The following THSD7B variants were observed in gnomAD, a reference collection of about 807,000 sequenced individuals.
The protein encoded by THSD7B is thrombospondin type-1 domain-containing protein 7B.
Under a neutral mutation model 213.6 loss-of-function variants are expected in THSD7B, and 138 were observed. The ratio of observed to expected loss-of-function variants is 0.65; its 90% CI spans 0.56 to 0.74. The LOEUF is 0.74. THSD7B is among the 30% of genes least tolerant of loss of function. The pLI, the probability that THSD7B is intolerant of heterozygous loss-of-function variation, is 0.00. For synonymous variants in THSD7B, 742 were observed against 687.0 expected (o/e 1.08, Z -1.25); for missense variants, 1,931 against 1,991.5 (o/e 0.97, Z 0.58).
At chr2:137,605,511 T>C (rs1045768832) in intron 17 of THSD7B, among the ~76,000 whole-genome samples, 3 of 151,962 alleles carry the variant, frequency 2.0e-5, no homozygotes, top group South Asian at 2.1e-4. Context: ...ATCAGTGGTA[T>C]GATGAAGAGA....
chr2:137,161,172 T>C (rs1001962139), intron 6 of THSD7B, among the ~76,000 whole-genome samples: 3 of 152,206 alleles, frequency 2.0e-5, no homozygotes, highest in African/African-American at 7.2e-5. Context: ...CTCTATGGTC[T>C]AGTTTTCTTT....
intron 12 of THSD7B, among the ~76,000 whole-genome samples, chr2:137,297,159 T>C (rs904028320): frequency 1.3e-5 from 2 of 148,528 alleles, no homozygotes; most frequent in Admixed American, 6.8e-5. Context: ...GGCTTGCACC[T>C]GTAGTGCCAT....
Position 137,077,053 on chromosome 2 carries a change from C to T in THSD7B, c.951-17820C>T, listed in dbSNP as rs529738030. On this transcript the variant is annotated intron_variant, in intron 3 of 27. Transcript: ENST00000409968. ...ATGTGTTGTCATTGTTCAACTCCCA[C>T]CTATGAGTGAGAACATGCAGTGTTT... is the stretch of plus-strand genomic sequence containing the variant. Among the ~76,000 whole-genome samples the T allele has an allele frequency of 2.7e-5, 4 of 146,722 alleles. No homozygotes were observed. In the South Asian group the frequency reaches 6.5e-4, roughly 24 times the overall value.
At chr2:137,547,919 T>G (rs1452152136) in intron 15 of THSD7B, among the ~76,000 whole-genome samples, 1 of 151,974 alleles carries the variant, frequency 6.6e-6, no homozygotes, top group African/African-American at 2.4e-5. Context: ...TTACCAGTTA[T>G]GGGCTTTCCT....
At chr2:137,259,500 G>C (rs996270360) in intron 10 of THSD7B, among the ~76,000 whole-genome samples, 3 of 152,108 alleles carry the variant, frequency 2.0e-5, no homozygotes, top group Admixed American at 1.3e-4. Context: ...ACAAGGGTCT[G>C]TTTATATCCT....
In THSD7B at chr2:137,056,423, C is replaced by T. The variant is rs1687163316; in HGVS notation, c.143C>T (p.Pro48Leu). 3 of 1,605,484 alleles carry T rather than the reference C, an allele frequency of 1.9e-6. No individual in the cohort carries two copies. Among genetic ancestry groups the T allele is most frequent in the East Asian group, 2.2e-5 (1 of 44,684 alleles). The change falls in exon 3 of 28, where the codon CCG becomes CTG. Residue 48 changes from proline to leucine, a missense_variant. By Grantham distance (98) the Pro-to-Leu change is moderately conservative. Transcript: ENST00000409968. ...KDNQFIWKPG[P>L]WGRCTGDCGP... ...ATCCTTGTTTTTCTGCCTGTAGGTC[C>T]GTGGGGAAGGTGTACAGGAGACTGT... is the stretch of plus-strand genomic sequence containing the variant.
rs1683731897 is a variant in THSD7B at position 137,677,552 on chromosome 2, A to G, written c.*947A>G. The G allele has an allele frequency of 6.7e-6, 1 of 150,330 alleles. No individual in the cohort carries two copies. Among genetic ancestry groups the G allele is most frequent in the African/African-American group, 2.5e-5 (1 of 39,324 alleles). The allele number at this position is 150,330 out of a possible 1,614,324, so 9.3% of individuals were successfully genotyped here. On this transcript the variant is annotated 3_prime_UTR_variant, in exon 28 of 28. Coordinates refer to ENST00000409968, the MANE Select transcript of THSD7B (RefSeq NM_001316349.2). Reference sequence around the variant, plus strand: ...CATCAAACACCGATCCTGTTTGTACAAAGTCTTGCTTTTATAAGGTTTCAA... The same window carrying G: ...CATCAAACACCGATCCTGTTTGTACGAAGTCTTGCTTTTATAAGGTTTCAA...
At chr2:137,371,519 G>A (rs1159946128) in intron 12 of THSD7B, among the ~76,000 whole-genome samples, 1 of 152,086 alleles carries the variant, frequency 6.6e-6, no homozygotes, top group Non-Finnish European at 1.5e-5. Context: ...TAATTAAATT[G>A]ATTGGACATT....
At chr2:137,213,957 T>A (rs72971539) in intron 7 of THSD7B, among the ~76,000 whole-genome samples, 1,830 of 152,208 alleles carry the variant, frequency 0.012, 40 homozygotes, top group African/African-American at 0.04. Context: ...TGTGTTAGGA[T>A]AGAGTTCTCA....
At chr2:137,089,314 A>G (rs1248203476) in intron 3 of THSD7B, among the ~76,000 whole-genome samples, 1 of 148,908 alleles carries the variant, frequency 6.7e-6, no homozygotes, top group African/African-American at 2.5e-5. Context: ...GTATATGTAT[A>G]TATACATATA....
rs6756456 is a variant in THSD7B at position 137,483,118 on chromosome 2, C to T, written c.3138+32095C>T. On this transcript the variant is annotated intron_variant, in intron 15 of 27. Coordinates refer to ENST00000409968, the MANE Select transcript of THSD7B (RefSeq NM_001316349.2). Reference sequence around the variant, plus strand: ...CAGCTCATCATTCCTTGGTTCTCTGCTTCCCCTGACTGCCATTTATTCTGG... The same window carrying T: ...CAGCTCATCATTCCTTGGTTCTCTGTTTCCCCTGACTGCCATTTATTCTGG... Among the ~76,000 whole-genome samples, 1,143 of 152,304 alleles carry T rather than the reference C, an allele frequency of 7.5e-3. 13 individuals carry two copies. The highest frequency in any genetic ancestry group is 0.026 in the African/African-American group (1,075 of 41,558).
intron 12 of THSD7B, among the ~76,000 whole-genome samples, chr2:137,371,142 T>C (rs74878330): frequency 0.031 from 4,710 of 152,208 alleles, 258 homozygotes; most frequent in African/African-American, 0.11. Context: ...GACTCAACCT[T>C]GATATTTAGT....
chr2:136,771,550 A>G (rs892763823), intron 1 of THSD7B, among the ~76,000 whole-genome samples: 11 of 151,970 alleles, frequency 7.2e-5, no homozygotes, highest in Non-Finnish European at 1.3e-4. Flanking sequence ...AGTGGCCAAA[A>G]ATGTTGCTTT....
intron 15 of THSD7B, among the ~76,000 whole-genome samples, chr2:137,517,108 T>C (rs1680084900): frequency 6.6e-6 from 1 of 152,240 alleles, no homozygotes; most frequent in Non-Finnish European, 1.5e-5. Flanking sequence ...ACTTGGCAAA[T>C]ACGTTTTTCT....
chr2:137,264,401 C>T (rs373578115), intron 10 of THSD7B, among the ~76,000 whole-genome samples: 10 of 152,118 alleles, frequency 6.6e-5, no homozygotes, highest in African/African-American at 2.4e-4. Flanking sequence ...TACAGGCACC[C>T]GCCACCATGC....
chr2:136,878,492 C>T (rs1431877393), intron 1 of THSD7B, among the ~76,000 whole-genome samples: 7 of 152,142 alleles, frequency 4.6e-5, no homozygotes, highest in African/African-American at 1.7e-4. Flanking sequence ...GGAATTGCCA[C>T]ACTGACTTCC....
rs112568300 is a variant in THSD7B, at chr2:137,170,352, T to C, written c.1526-389T>C. The stretch of plus-strand genomic sequence containing the variant: ...AGAGAGGTAATGTATTTTAACCGAA[T>C]GCAGCGTAACAAGAATGTCAAAATC... On this transcript the variant is annotated intron_variant, in intron 6 of 27. Transcript: ENST00000409968. Among the ~76,000 whole-genome samples the C allele has an allele frequency of 8.7e-3, 1,326 of 152,268 alleles. 22 individuals are homozygous for C. Among genetic ancestry groups the C allele is most frequent in the African/African-American group, 0.03 (1,252 of 41,554 alleles).
intron 3 of THSD7B, among the ~76,000 whole-genome samples, chr2:137,081,075 T>C (rs1242515849): frequency 1.3e-5 from 2 of 152,166 alleles, no homozygotes; most frequent in Non-Finnish European, 2.9e-5. Context: ...TTGCCAGTTT[T>C]AATTTTTTTA....
intron 20 of THSD7B, among the ~76,000 whole-genome samples, chr2:137,638,587 C>T (rs375271280): frequency 2.6e-4 from 40 of 152,200 alleles, no homozygotes; most frequent in African/African-American, 5.3e-4. Flanking sequence ...AATGTGGAAG[C>T]GACTTTGGAA....
Sources: allele counts gnomAD v4.1 joint callset (sites outside exome capture counted in the v4.1 genomes callset), GRCh38; gene constraint gnomAD v4.1.1; transcripts MANE v1.5; gene names NCBI Gene and HGNC (gene_info 2026-07-23, HGNC 2026-07-21).